The following CLCN5 variants were observed in gnomAD, a reference collection of about 807,000 sequenced individuals.
CLCN5 encodes H(+)/Cl(-) exchange transporter 5.
Under a neutral mutation model 54.0 loss-of-function variants are expected in CLCN5, and 17 were observed. The observed-to-expected ratio is 0.31, with a 90% CI of 0.22 to 0.47. CLCN5 has a LOEUF of 0.47. Ranked by LOEUF, CLCN5 falls within the 20% of genes least tolerant of loss-of-function variation. The pLI is 1.00. For missense variants in CLCN5, 448 were observed against 646.7 expected, an observed-to-expected ratio of 0.69 and a Z score of 3.33; for synonymous variants, 222 against 233.0, an observed-to-expected ratio of 0.95 and a Z score of 0.43.
At chrX:50,081,188 C>T (rs1300283475) in intron 8 of CLCN5, among the ~76,000 whole-genome samples, 1 of 110,949 alleles carries the variant, frequency 9.0e-6, no homozygotes, top group African/African-American at 3.3e-5. Context: ...ATGACTTTGC[C>T]CTTCCCTGTT....
intron 14 of CLCN5, among the ~76,000 whole-genome samples, 187 bp downstream of exon 14, chrX:50,091,073 A>G (rs1934082627): frequency 8.9e-6 from 1 of 112,095 alleles, no homozygotes; most frequent in Admixed American, 9.5e-5. Context: ...AGTTTGGGAA[A>G]GAACATGTGT....
chrX:50,084,342 G>A (rs908710935), intron 9 of CLCN5, among the ~76,000 whole-genome samples: 3 of 111,509 alleles, frequency 2.7e-5, no homozygotes, highest in Non-Finnish European at 5.7e-5. Context: ...ACGTTGTTAC[G>A]TGGTGCGTGA....
At chrX:49,995,813 A>G (rs1354819825) in intron 3 of CLCN5, among the ~76,000 whole-genome samples, 2 of 111,920 alleles carry the variant, frequency 1.8e-5, no homozygotes, top group African/African-American at 6.5e-5. Context: ...CAGTTTTATC[A>G]TGTGTTATGT....
At chrX:49,997,312 C>G (rs1929569966) in intron 3 of CLCN5, among the ~76,000 whole-genome samples, 1 of 110,884 alleles carries the variant, frequency 9.0e-6, no homozygotes, top group Non-Finnish European at 1.9e-5. Flanking sequence ...CAGGATTTTT[C>G]AGGAGTTATT....
chrX:50,077,621 AGTGTGTGT>A (rs34262397), intron 7 of CLCN5, among the ~76,000 whole-genome samples: 9 of 78,707 alleles, frequency 1.1e-4, no homozygotes, highest in East Asian at 3.7e-4. Context: ...AGAGAGAGAG[AGTGTGTGT>A]GTGTGTGTGT....
chrX:50,072,497 TA>T lies in CLCN5; in HGVS notation c.328del (p.Ser110AlafsTer8), dbSNP rs1933254254. The T allele has an allele frequency of 8.3e-7, 1 of 1,198,612 alleles. No individual in the cohort carries two copies. Among genetic ancestry groups the T allele is most frequent in the African/African-American group, 1.8e-5 (1 of 56,950 alleles). On this transcript the variant is annotated frameshift_variant, in exon 6 of 15. Coordinates refer to ENST00000376091, the MANE Select transcript of CLCN5 (RefSeq NM_001127898.4). LOFTEE classifies it high-confidence loss of function. ...DRDRHREITN[K>X]SKESTWALIH... is the part of the protein sequence containing the mutation. ...TTCTCATTTTCCCCTAGATTACCAATAAAAGCAAAGAGTCAACATGGGCCTT... is the reference window on the plus strand; with the variant it reads ...TTCTCATTTTCCCCTAGATTACCAATAAAGCAAAGAGTCAACATGGGCCTT...
intron 9 of CLCN5, among the ~76,000 whole-genome samples, chrX:50,082,560 C>T (rs1476408510): frequency 9.0e-6 from 1 of 110,727 alleles, no homozygotes; most frequent in Non-Finnish European, 1.9e-5. Context: ...CAATCCTCCT[C>T]CCTCAGTCTC....
chrX:49,926,091 G>T, intron 3 of CLCN5, among the ~76,000 whole-genome samples: 1 of 112,559 alleles, frequency 8.9e-6, no homozygotes, highest in East Asian at 2.8e-4. Flanking sequence ...CTTAAATGGA[G>T]TGGAATGAAA....
intron 7 of CLCN5, among the ~76,000 whole-genome samples, chrX:50,078,854 A>G (rs1346944353): frequency 5.4e-5 from 6 of 111,438 alleles, no homozygotes; most frequent in Admixed American, 2.8e-4. Context: ...ACGGAGTCTC[A>G]CTCTGTCACC....
chrX:49,964,543 T>C (rs1927751012), intron 3 of CLCN5, among the ~76,000 whole-genome samples: 1 of 111,130 alleles, frequency 9.0e-6, no homozygotes, highest in Admixed American at 9.6e-5. Context: ...ATGGACTCTA[T>C]TTCCACAATC....
intron 11 of CLCN5, 153 bp from the exon 12 acceptor site, chrX:50,088,545 G>A (rs1933973997): frequency 3.7e-6 from 2 of 540,289 alleles, no homozygotes; most frequent in Non-Finnish European, 6.5e-6. Context: ...TCCCTGTAGT[G>A]TTACACACAC....
intron 4 of CLCN5, among the ~76,000 whole-genome samples, chrX:50,047,598 A>C (rs1932438526): frequency 9.0e-6 from 1 of 111,227 alleles, no homozygotes; most frequent in African/African-American, 3.3e-5. Flanking sequence ...TAATTTCTTC[A>C]GATTTACTTA....
intron 3 of CLCN5, among the ~76,000 whole-genome samples, chrX:49,925,684 G>A (rs950749723): frequency 8.9e-5 from 10 of 111,802 alleles, no homozygotes; most frequent in African/African-American, 3.3e-4. Context: ...ATAAGGTTGG[G>A]GAGACAGATG....
chrX:49,944,766 G>A (rs1037392362), intron 3 of CLCN5, among the ~76,000 whole-genome samples: 4 of 111,685 alleles, frequency 3.6e-5, no homozygotes, highest in Non-Finnish European at 7.5e-5. Context: ...ACTTGATCGT[G>A]GTGGATAAGC....
At chrX:50,089,416 T>C (rs1021747128) in intron 12 of CLCN5, among the ~76,000 whole-genome samples, 9 of 112,580 alleles carry the variant, frequency 8.0e-5, no homozygotes, top group African/African-American at 1.9e-4. Flanking sequence ...TAAAAACATA[T>C]GTTTTTGCAT....
chrX:50,048,556 CA>C (rs1207673394), intron 4 of CLCN5, among the ~76,000 whole-genome samples: 1 of 111,970 alleles, frequency 8.9e-6, no homozygotes, highest in Non-Finnish European at 1.9e-5. Context: ...AGTTATAATC[CA>C]TTACTACATT....
chrX:50,059,246 CATT>C (rs1325196751), intron 4 of CLCN5, among the ~76,000 whole-genome samples: 2 of 111,611 alleles, frequency 1.8e-5, no homozygotes, highest in African/African-American at 3.2e-5. Context: ...TCATCATCAT[CATT>C]GTTATACATT....
At chrX:50,027,362 T>C (rs1931462519) in intron 3 of CLCN5, among the ~76,000 whole-genome samples, 1 of 112,012 alleles carries the variant, frequency 8.9e-6, no homozygotes, top group South Asian at 3.7e-4. Context: ...GTTATATGTC[T>C]TTTGTAATTG....
At chrX:50,033,272 T>A (rs1212464872) in intron 3 of CLCN5, among the ~76,000 whole-genome samples, 1 of 111,322 alleles carries the variant, frequency 9.0e-6, no homozygotes, top group Non-Finnish European at 1.9e-5. Flanking sequence ...GAAAACCCCA[T>A]TGTCTCAGCC....
Sources: allele counts gnomAD v4.1 joint callset (sites outside exome capture counted in the v4.1 genomes callset), GRCh38; gene constraint gnomAD v4.1.1; transcripts MANE v1.5; gene names NCBI Gene and HGNC (gene_info 2026-07-23, HGNC 2026-07-21).